NAV3: variants seen among roughly 807,000 people sequenced by gnomAD.
NAV3 encodes neuron navigator 3.
A neutral mutation model predicts 244.7 loss-of-function variants in NAV3; 87 were observed. That is an observed-to-expected ratio of 0.36 (90% CI 0.30 to 0.42). The LOEUF is 0.42. Ranked by LOEUF, NAV3 falls within the 20% of genes least tolerant of loss-of-function variation. The pLI is 1.00. For missense variants in NAV3, 2,663 were observed against 2,893.3 expected (o/e 0.92, Z 1.83); for synonymous variants, 1,126 against 1,042.2 (o/e 1.08, Z -1.55).
intron 2 of NAV3, among the ~76,000 whole-genome samples, chr12:77,658,678 T>G (rs1873258308): frequency 6.6e-6 from 1 of 152,030 alleles, no homozygotes; most frequent in African/African-American, 2.4e-5. Context: ...AGAACAAAGC[T>G]GGAGGCATCA....
At chr12:77,642,750 C>A (rs1374816278) in intron 2 of NAV3, among the ~76,000 whole-genome samples, 1 of 151,682 alleles carries the variant, frequency 6.6e-6, no homozygotes, top group Non-Finnish European at 1.5e-5. Flanking sequence ...CATTTTTTTT[C>A]TTTTGTAGTT....
chr12:77,689,392 C>A (rs537941044), intron 2 of NAV3, among the ~76,000 whole-genome samples: 1 of 151,976 alleles, frequency 6.6e-6, no homozygotes, highest in South Asian at 2.1e-4. Context: ...AAAATTGTAA[C>A]TAAAAATATC....
intron 1 of NAV3, among the ~76,000 whole-genome samples, chr12:77,869,862 C>T (rs1010105671): frequency 1.3e-5 from 2 of 152,180 alleles, no homozygotes; most frequent in African/African-American, 4.8e-5. Context: ...ATGTGTAACA[C>T]ATACAAGGCA....
chr12:78,036,915 A>G, intron 9 of NAV3: 1 of 702,934 alleles, frequency 1.4e-6, no homozygotes, highest in Non-Finnish European at 2.6e-6. Flanking sequence ...AGTAAGGAGA[A>G]AGGGAGCTTG....
chr12:77,833,709 C>T (rs757950958), intron 1 of NAV3, among the ~76,000 whole-genome samples: 1 of 152,154 alleles, frequency 6.6e-6, no homozygotes, highest in African/African-American at 2.4e-5. Context: ...GCCTTGGTTC[C>T]GGAAAAATCG....
At chr12:77,617,522 T>A (rs1428796933) in intron 2 of NAV3, among the ~76,000 whole-genome samples, 1 of 152,244 alleles carries the variant, frequency 6.6e-6, no homozygotes, top group African/African-American at 2.4e-5. Flanking sequence ...CCACCAGGTT[T>A]GTATGCCCAC....
intron 34 of NAV3, among the ~76,000 whole-genome samples, chr12:78,190,796 G>T (rs1593984110): frequency 2.6e-5 from 4 of 152,100 alleles, no homozygotes; most frequent in Admixed American, 2.6e-4. Flanking sequence ...ATGTGCCATA[G>T]TAATCAGCCT....
chr12:77,663,522 C>CTTTTTTTT (rs4017472), intron 2 of NAV3, among the ~76,000 whole-genome samples: 1 of 139,354 alleles, frequency 7.2e-6, no homozygotes, highest in Non-Finnish European at 1.6e-5. Context: ...TCTTCTTCTT[C>CTTTTTTTT]TTTTTTTTTT....
rs376215992 is a variant in NAV3 at position 78,118,234 on chromosome 12, A to G, written c.2977A>G (p.Met993Val). The G allele has an allele frequency of 8.1e-6, 13 of 1,613,602 alleles. No individual in the cohort carries two copies. Among genetic ancestry groups the G allele is most frequent in the African/African-American group, 6.7e-5 (5 of 74,950 alleles). Reference protein sequence around the residue: ...VSQTGSWRRGMSAQGGAPSRQ... With the variant: ...VSQTGSWRRGVSAQGGAPSRQ... ...ACAGACAGGTTCCTGGAGAAGAGGC[A>G]TGTCTGCCCAAGGAGGGGCGCCATC... The change falls in exon 14 of 40, where the codon ATG (methionine) becomes GTG (valine). Residue 993 changes from methionine to valine, a missense_variant. By Grantham distance (21) the Met-to-Val change is conservative (BLOSUM62 1). Coordinates refer to ENST00000397909, the MANE Select transcript of NAV3 (RefSeq NM_001024383.2).
intron 23 of NAV3, among the ~76,000 whole-genome samples, chr12:78,162,127 G>C (rs536224827): frequency 3.9e-5 from 6 of 152,188 alleles, no homozygotes; most frequent in African/African-American, 1.2e-4. Context: ...CAAAATCACT[G>C]TTCAAATAGA....
chr12:78,167,720 T>C (rs1555186581), intron 23 of NAV3, among the ~76,000 whole-genome samples: 1 of 151,656 alleles, frequency 6.6e-6, no homozygotes, highest in Non-Finnish European at 1.5e-5. Context: ...AAGGCAGTGA[T>C]GAATGACAAA....
intron 2 of NAV3, among the ~76,000 whole-genome samples, chr12:77,707,970 A>G (rs1315010190): frequency 6.6e-6 from 1 of 152,126 alleles, no homozygotes; most frequent in Admixed American, 6.5e-5. Context: ...CCTTTGTCAG[A>G]TGAGTAGATT....
At chr12:78,148,991 A>G in intron 22 of NAV3, 72 bp downstream of exon 22, 1 of 1,312,448 alleles carries the variant, frequency 7.6e-7, no homozygotes, top group South Asian at 1.3e-5. Context: ...TTTAGTAACA[A>G]ACTTACAAAT....
intron 2 of NAV3, among the ~76,000 whole-genome samples, chr12:77,731,918 G>T (rs1292226517): frequency 6.6e-6 from 1 of 151,864 alleles, no homozygotes; most frequent in Non-Finnish European, 1.5e-5. Context: ...GACAATTGAG[G>T]AACTGTTACT....
At chr12:77,922,440 T>C (rs1887802768) in intron 1 of NAV3, among the ~76,000 whole-genome samples, 2 of 152,126 alleles carry the variant, frequency 1.3e-5, no homozygotes, top group African/African-American at 4.8e-5. Flanking sequence ...CACTACTCTA[T>C]TTTTGGGAAA....
intron 38 of NAV3, among the ~76,000 whole-genome samples, chr12:78,200,817 C>T (rs897588341): frequency 2.6e-5 from 4 of 151,910 alleles, no homozygotes; most frequent in African/African-American, 4.8e-5. Flanking sequence ...AACAACTATA[C>T]ATTTAAGTCC....
chr12:77,885,622 T>A (rs1420519208), intron 1 of NAV3, among the ~76,000 whole-genome samples: 2 of 152,146 alleles, frequency 1.3e-5, no homozygotes, highest in Admixed American at 1.3e-4. Context: ...GGAAGTGACT[T>A]CCAGTATTCT....
rs540448053 is a variant in NAV3, at chr12:77,612,287, T to C, written c.72+40021T>C. 1.8e-4 allele frequency among the ~76,000 whole-genome samples: 28 copies of C among 152,302 alleles called. No individual in the cohort carries two copies. In the South Asian group the frequency reaches 5.2e-3, roughly 28 times the overall value. On this transcript the variant is annotated intron_variant, in intron 2 of 8. Transcript: ENST00000550042. ...TTCTCATAAATGTCTCCAATCATTA[T>C]GTGCACTTGTAGATAATACACAATT...
At chr12:77,691,312 C>T (rs1241658072) in intron 2 of NAV3, among the ~76,000 whole-genome samples, 5 of 46,538 alleles carry the variant, frequency 1.1e-4, no homozygotes, top group African/African-American at 2.1e-4. Flanking sequence ...TCTATATAGT[C>T]ATATATAAGT....
Sources: allele counts gnomAD v4.1 joint callset (sites outside exome capture counted in the v4.1 genomes callset), GRCh38; gene constraint gnomAD v4.1.1; transcripts MANE v1.5; gene names NCBI Gene and HGNC (gene_info 2026-07-23, HGNC 2026-07-21).